The following NRXN3 variants were observed in gnomAD, a reference collection of about 807,000 sequenced individuals.
The protein encoded by NRXN3 is neurexin III.
In NRXN3, 32 loss-of-function variants were observed where a neutral mutation model predicts 137.6. The ratio of observed to expected loss-of-function variants is 0.23; its 90% confidence interval spans 0.18 to 0.31. NRXN3 has a LOEUF of 0.31. Ranked by LOEUF, NRXN3 falls within the 10% of genes least tolerant of loss-of-function variation. The probability of loss-of-function intolerance (pLI) is 1.00; values close to 1 mark genes in which losing one functional copy is unlikely to be tolerated. For synonymous variants in NRXN3, 798 were observed against 784.5 expected (o/e 1.02, Z -0.29); for missense variants, 1,574 against 2,062.5 (o/e 0.76, Z 4.59).
At chr14:79,675,441 A>G (rs1284857466) in intron 17 of NRXN3, among the ~76,000 whole-genome samples, 2 of 152,116 alleles carry the variant, frequency 1.3e-5, no homozygotes, top group African/African-American at 2.4e-5. Context: ...GCTGTGATGA[A>G]CCACGTTTCC....
intron 15 of NRXN3, among the ~76,000 whole-genome samples, chr14:79,284,134 C>T (rs1407836544): frequency 1.3e-5 from 2 of 151,022 alleles, no homozygotes; most frequent in African/African-American, 4.9e-5. Context: ...GCTTTAATTA[C>T]ATAAGCAACT....
chr14:79,552,259 G>A (rs1205891619), intron 16 of NRXN3, among the ~76,000 whole-genome samples: 1 of 152,140 alleles, frequency 6.6e-6, no homozygotes, highest in African/African-American at 2.4e-5. Flanking sequence ...GACAGAAAAT[G>A]TTTAATGTCT....
chr14:78,363,504 C>G (rs1159123281), intron 4 of NRXN3, among the ~76,000 whole-genome samples: 1 of 152,188 alleles, frequency 6.6e-6, no homozygotes, highest in African/African-American at 2.4e-5. Context: ...ATTATCCCCA[C>G]TTTAGTTATG....
intron 19 of NRXN3, among the ~76,000 whole-genome samples, chr14:79,787,207 T>G (rs1473729283): frequency 2.0e-5 from 3 of 152,232 alleles, no homozygotes; most frequent in Non-Finnish European, 4.4e-5. Flanking sequence ...ATTTTCTGTC[T>G]TGAAAGCAAA....
chr14:79,217,423 C>T (rs181389836), intron 15 of NRXN3, among the ~76,000 whole-genome samples: 39 of 152,242 alleles, frequency 2.6e-4, no homozygotes, highest in African/African-American at 9.4e-4. Flanking sequence ...GGGATCCATC[C>T]CCATGACCCG....
intron 4 of NRXN3, among the ~76,000 whole-genome samples, chr14:78,526,559 A>G (rs2096382922): frequency 6.6e-6 from 1 of 152,224 alleles, no homozygotes; most frequent in Admixed American, 6.5e-5. Flanking sequence ...ACTTTCTTTC[A>G]TTCAAATGGT....
chr14:78,485,783 T>C (rs1434837998), intron 4 of NRXN3, among the ~76,000 whole-genome samples: 1 of 152,252 alleles, frequency 6.6e-6, no homozygotes, highest in Non-Finnish European at 1.5e-5. Flanking sequence ...AACATGGTTA[T>C]AATAACCTTT....
intron 16 of NRXN3, among the ~76,000 whole-genome samples, chr14:79,641,168 T>C (rs1354417225): frequency 7.5e-6 from 1 of 133,718 alleles, no homozygotes; most frequent in African/African-American, 2.5e-5. Context: ...GCACCTCGCC[T>C]GGCTAATTCT....
At chr14:78,601,365 T>C (rs2097200084) in intron 4 of NRXN3, among the ~76,000 whole-genome samples, 1 of 152,224 alleles carries the variant, frequency 6.6e-6, no homozygotes, top group African/African-American at 2.4e-5. Context: ...ATAGGGTTTC[T>C]TTATGACCAT....
chr14:78,456,757 A>G (rs185254485), intron 4 of NRXN3, among the ~76,000 whole-genome samples: 2 of 146,010 alleles, frequency 1.4e-5, no homozygotes, highest in East Asian at 2.0e-4. Flanking sequence ...TTCTCCCCCT[A>G]CAGGCTCTGC....
intron 8 of NRXN3, among the ~76,000 whole-genome samples, chr14:78,770,026 A>G (rs1338682579): frequency 6.6e-6 from 1 of 152,194 alleles, no homozygotes; most frequent in East Asian, 1.9e-4. Context: ...ATAGGCAGAT[A>G]TATCTAGGTA....
chr14:79,149,408 T>C (rs942409216), intron 15 of NRXN3, among the ~76,000 whole-genome samples: 2 of 151,998 alleles, frequency 1.3e-5, no homozygotes, highest in Admixed American at 1.3e-4. Context: ...TTCTTGGGAC[T>C]CTGACTTATT....
chr14:79,377,758 A>G (rs2094347541), intron 15 of NRXN3, among the ~76,000 whole-genome samples: 1 of 152,214 alleles, frequency 6.6e-6, no homozygotes, highest in South Asian at 2.1e-4. Context: ...TCTGTCTCAA[A>G]AAAAGAAATA....
intron 10 of NRXN3, among the ~76,000 whole-genome samples, chr14:78,898,233 C>T (rs113817007): frequency 2.2e-3 from 336 of 151,968 alleles, no homozygotes; most frequent in African/African-American, 7.3e-3. Flanking sequence ...GGAGAGCTCC[C>T]AAGCTAATTG....
chr14:78,844,410 T>C (rs1196040969), intron 10 of NRXN3, among the ~76,000 whole-genome samples: 1 of 152,112 alleles, frequency 6.6e-6, no homozygotes, highest in African/African-American at 2.4e-5. Flanking sequence ...CAGGGACTCA[T>C]CTTTTCCAGG....
intron 4 of NRXN3, among the ~76,000 whole-genome samples, chr14:78,328,861 T>C (rs1391270964): frequency 6.6e-6 from 1 of 152,190 alleles, no homozygotes; most frequent in Non-Finnish European, 1.5e-5. Flanking sequence ...TTGACATGTA[T>C]ACATGGCAAG....
At position 78,464,906 on chromosome 14, in the gene NRXN3, C is replaced by A. The variant is rs79168980; in HGVS notation, c.757+167046C>A. Among the ~76,000 whole-genome samples the A allele has an allele frequency of 0.029, 4,387 of 152,260 alleles. 275 individuals are homozygous for A. In the East Asian group the frequency reaches 0.31, roughly 11 times the overall value. On this transcript the variant is annotated intron_variant, in intron 4 of 20. Transcript: ENST00000335750. The stretch of plus-strand genomic sequence containing the variant: ...ATTCTCAGTCGTATTCTTACTTATC[C>A]ATTATCAAGGTATATTAACATTCAC...
chr14:79,229,697 C>T (rs760378278), intron 15 of NRXN3, among the ~76,000 whole-genome samples: 2 of 152,104 alleles, frequency 1.3e-5, no homozygotes, highest in Admixed American at 1.3e-4. Context: ...CAGGACTGCT[C>T]TCCCAGTGGA....
chr14:78,231,501 A>G (rs2065390620), intron 1 of NRXN3: 1 of 152,254 alleles, frequency 6.6e-6, no homozygotes, highest in Non-Finnish European at 1.5e-5. Context: ...ATTTTGGATG[A>G]TGAGCTTCTT....
Sources: gnomAD v4.1 joint callset for allele counts (sites outside exome capture counted in the v4.1 genomes callset) on GRCh38, gnomAD v4.1.1 for gene constraint, MANE v1.5 for transcripts, NCBI Gene and HGNC (gene_info 2026-07-23, HGNC 2026-07-21) for gene names.